The following COL4A5 variants were observed in gnomAD, a reference collection of about 807,000 sequenced individuals.
The protein encoded by COL4A5 is collagen type IV alpha 5 chain.
In COL4A5, 26 loss-of-function variants were observed where a neutral mutation model predicts 130.2. The ratio of observed to expected loss-of-function variants is 0.20; its 90% confidence interval spans 0.15 to 0.28. COL4A5 has a LOEUF of 0.28. COL4A5 is among the 10% of genes least tolerant of loss of function. COL4A5 has a pLI of 1.00. For missense variants in COL4A5, 1,131 were observed against 1,344.3 expected (o/e 0.84, Z 2.48); for synonymous variants, 496 against 439.6 (o/e 1.13, Z -1.60).
At position 108,655,316 on chromosome X, in the gene COL4A5, T is replaced by C. The variant is rs748375767; in HGVS notation, c.3247-15T>C. ...TGTAGAGACTTCAGTATTATCTTTT[T>C]ATTCGTGTTTTCAGGGTGAGCCTGG... On this transcript the variant is annotated splice_polypyrimidine_tract_variant and intron_variant, in intron 36 of 52. Coordinates refer to ENST00000328300, the MANE Select transcript of COL4A5 (RefSeq NM_033380.3). 8.3e-7 allele frequency: 1 copy of C among 1,206,857 alleles called. No homozygotes were observed. The highest frequency in any genetic ancestry group is 1.1e-6 in the Non-Finnish European group (1 of 893,430).
At chrX:108,644,431 A>G (rs770955569) in intron 36 of COL4A5, among the ~76,000 whole-genome samples, 92 of 112,034 alleles carry the variant, frequency 8.2e-4, no homozygotes, top group Non-Finnish European at 1.6e-3. Context: ...ACCACAGAAT[A>G]CACATTCTAT....
In COL4A5 at chrX:108,482,335, G is replaced by T. The variant is rs1160075059; in HGVS notation, c.81+42129G>T. Among the ~76,000 whole-genome samples, 4 of 111,665 alleles carry T rather than the reference G, an allele frequency of 3.6e-5. No homozygotes were observed. In the East Asian group the frequency reaches 1.1e-3, roughly 32 times the overall value. The stretch of plus-strand genomic sequence containing the variant: ...TATAGGTCTAGAAGCAAATGGAGGT[G>T]TTGGGGGTAGCTTCTGAAGAGAATC... On this transcript the variant is annotated intron_variant, in intron 1 of 52. Transcript: ENST00000328300.
intron 6 of COL4A5, 75 bp from the exon 7 acceptor site, chrX:108,571,338 A>G (rs2066061681): frequency 1.3e-6 from 1 of 796,470 alleles, no homozygotes; most frequent in Non-Finnish European, 1.9e-6. Flanking sequence ...AATCTTTTCA[A>G]GAAGTCATAT....
intron 36 of COL4A5, among the ~76,000 whole-genome samples, chrX:108,642,594 A>G (rs1458468341): frequency 1.8e-5 from 2 of 110,935 alleles, no homozygotes; most frequent in Non-Finnish European, 3.8e-5. Context: ...AGCAGCTGAG[A>G]GCTGGGTAGA....
At chrX:108,460,656 ATT>A (rs751991149) in intron 1 of COL4A5, among the ~76,000 whole-genome samples, 24 of 39,450 alleles carry the variant, frequency 6.1e-4, no homozygotes, top group African/African-American at 2.4e-3. Flanking sequence ...CGCCTGGCAA[ATT>A]TTTTTTTTTT....
chrX:108,461,374 A>AG (rs1295438461), intron 1 of COL4A5, among the ~76,000 whole-genome samples: 10 of 111,565 alleles, frequency 9.0e-5, no homozygotes, highest in Non-Finnish European at 1.9e-4. Context: ...TAATAAACAA[A>AG]GGTAGGTTCA....
At chrX:108,509,746 G>T (rs1375146429) in intron 1 of COL4A5, among the ~76,000 whole-genome samples, 1 of 111,871 alleles carries the variant, frequency 8.9e-6, no homozygotes, top group Non-Finnish European at 1.9e-5. Flanking sequence ...AAGCAGTATG[G>T]CAATTCCTCA....
intron 1 of COL4A5, among the ~76,000 whole-genome samples, chrX:108,444,686 A>G (rs1288623723): frequency 8.9e-6 from 1 of 112,254 alleles, no homozygotes; most frequent in African/African-American, 3.2e-5. Flanking sequence ...CTCAGCAGGC[A>G]GAACTAGGAA....
chrX:108,576,095 C>A, intron 10 of COL4A5, 123 bp downstream of exon 10: 1 of 501,303 alleles, frequency 2.0e-6, no homozygotes, highest in South Asian at 3.1e-5. Context: ...TTATAATTTT[C>A]TTATGTAAAG....
chrX:108,647,025 T>G (rs1328003404), intron 36 of COL4A5, among the ~76,000 whole-genome samples: 4 of 111,187 alleles, frequency 3.6e-5, no homozygotes, highest in South Asian at 3.8e-4. Context: ...GATGCCTCCA[T>G]CTTTGTTCTT....
At position 108,578,311 on chromosome X, in the gene COL4A5, C is replaced by CCCACCTGGG; in HGVS notation, c.719_727dup (p.Pro240_Gly242dup). ...AACAGGGTGAGCAAGGTCTTCAGGG[C>CCCACCTGGG]CCACCTGGGCCACCTGGGCAGATCA... On this transcript the variant is annotated inframe_insertion, in exon 13 of 53. Coordinates refer to ENST00000328300, the MANE Select transcript of COL4A5 (RefSeq NM_033380.3). The CCCACCTGGG allele has an allele frequency of 8.3e-7, 1 of 1,210,113 alleles. No homozygotes were observed. The highest frequency in any genetic ancestry group is 1.1e-6 in the Non-Finnish European group (1 of 894,104).
chrX:108,637,479 AT>A (rs1236389591), intron 36 of COL4A5, among the ~76,000 whole-genome samples: 1 of 111,979 alleles, frequency 8.9e-6, no homozygotes, highest in Non-Finnish European at 1.9e-5. Flanking sequence ...AACTAAAAAA[AT>A]CATAGATGAA....
At chrX:108,608,894 A>G (rs1216831087) in intron 29 of COL4A5, among the ~76,000 whole-genome samples, 1 of 111,840 alleles carries the variant, frequency 8.9e-6, no homozygotes, top group Non-Finnish European at 1.9e-5. Context: ...GGAACTCCTT[A>G]TAAATGGAAA....
At chrX:108,614,074 G>C (rs925930562) in intron 29 of COL4A5, among the ~76,000 whole-genome samples, 1 of 111,673 alleles carries the variant, frequency 9.0e-6, no homozygotes, top group Non-Finnish European at 1.9e-5. Flanking sequence ...TCATCTGATA[G>C]ACTAATAACC....
At chrX:108,542,301 C>A (rs2065556283) in intron 2 of COL4A5, among the ~76,000 whole-genome samples, 1 of 103,705 alleles carries the variant, frequency 9.6e-6, no homozygotes, top group Admixed American at 1.0e-4. Context: ...TGTCCCCCTT[C>A]CTGTGTCCAA....
At chrX:108,591,908 T>G (rs2066443445) in intron 21 of COL4A5, among the ~76,000 whole-genome samples, 1 of 111,587 alleles carries the variant, frequency 9.0e-6, no homozygotes, top group Admixed American at 9.5e-5. Flanking sequence ...CAACTTTGAC[T>G]AATGCTTAAC....
chrX:108,671,328 C>T (rs189135701), intron 42 of COL4A5, among the ~76,000 whole-genome samples: 111 of 111,531 alleles, frequency 1.0e-3, no homozygotes, highest in African/African-American at 3.3e-3. Context: ...AATGGCAGGA[C>T]ATTTTTTCAT....
chrX:108,563,319 A>G (rs772972120), intron 3 of COL4A5, among the ~76,000 whole-genome samples: 28 of 111,716 alleles, frequency 2.5e-4, no homozygotes, highest in Non-Finnish European at 4.1e-4. Context: ...TAACATACAC[A>G]CATGGGTAGG....
chrX:108,657,626 T>C (rs1403256202), intron 37 of COL4A5, among the ~76,000 whole-genome samples: 4 of 111,606 alleles, frequency 3.6e-5, no homozygotes, highest in Middle Eastern at 9.2e-3. Context: ...ACATGTTATC[T>C]CTCCATTTAT....
Sources: allele counts gnomAD v4.1 joint callset (sites outside exome capture counted in the v4.1 genomes callset), GRCh38; gene constraint gnomAD v4.1.1; transcripts MANE v1.5; gene names NCBI Gene and HGNC (gene_info 2026-07-23, HGNC 2026-07-21).